The following SLC35F1 variants were observed in gnomAD, a reference collection of about 807,000 sequenced individuals.
The protein encoded by SLC35F1 is chromosome 6 open reading frame 169.
Under a neutral mutation model 48.7 loss-of-function variants are expected in SLC35F1, and 14 were observed. The ratio of observed to expected loss-of-function variants is 0.29; its 90% CI spans 0.19 to 0.45. SLC35F1 has a LOEUF of 0.45. Among genes scored for constraint, SLC35F1 ranks in the 20% least tolerant of loss-of-function variants. The probability of loss-of-function intolerance (pLI) is 1.00; values close to 1 mark genes in which losing one functional copy is unlikely to be tolerated. For missense variants in SLC35F1, 404 were observed against 500.0 expected, an observed-to-expected ratio of 0.81 and a Z score of 1.83; for synonymous variants, 190 against 202.2, an observed-to-expected ratio of 0.94 and a Z score of 0.51.
chr6:118,120,118 G>A (rs148753606), intron 1 of SLC35F1, among the ~76,000 whole-genome samples: 25 of 152,230 alleles, frequency 1.6e-4, no homozygotes, highest in African/African-American at 5.5e-4. Context: ...ACAATTTGGC[G>A]AACTACATGG....
intron 1 of SLC35F1, among the ~76,000 whole-genome samples, chr6:117,930,728 G>A (rs930569981): frequency 1.3e-5 from 2 of 152,108 alleles, no homozygotes; most frequent in Admixed American, 6.6e-5. Context: ...GGCTATTGGC[G>A]GGCAGGCAGG....
intron 1 of SLC35F1, among the ~76,000 whole-genome samples, chr6:117,944,118 A>G (rs1776265521): frequency 6.6e-6 from 1 of 152,224 alleles, no homozygotes; most frequent in Admixed American, 6.5e-5. Flanking sequence ...AATTTTCTGT[A>G]ATTATATTTG....
intron 1 of SLC35F1, among the ~76,000 whole-genome samples, chr6:117,950,633 C>T (rs978848304): frequency 2.0e-5 from 3 of 152,154 alleles, no homozygotes; most frequent in African/African-American, 7.2e-5. Flanking sequence ...TGACTTACTT[C>T]AAACATTCTT....
chr6:118,180,460 G>GT (rs1774558372), intron 2 of SLC35F1, among the ~76,000 whole-genome samples: 1 of 152,006 alleles, frequency 6.6e-6, no homozygotes, highest in Admixed American at 6.6e-5. Context: ...ATATAAGACA[G>GT]TTTTCATTGT....
chr6:118,180,511 G>A (rs1774559207), intron 2 of SLC35F1, among the ~76,000 whole-genome samples: 1 of 151,858 alleles, frequency 6.6e-6, no homozygotes, highest in Non-Finnish European at 1.5e-5. Flanking sequence ...TGATCAGGTA[G>A]ATCTGAAAAA....
intron 1 of SLC35F1, among the ~76,000 whole-genome samples, chr6:118,052,000 T>C (rs1207102078): frequency 6.6e-6 from 1 of 152,136 alleles, no homozygotes; most frequent in Non-Finnish European, 1.5e-5. Context: ...CTACCTTCCA[T>C]GTCTTATCAA....
chr6:117,970,796 C>G (rs1161695530), intron 1 of SLC35F1, among the ~76,000 whole-genome samples: 1 of 152,112 alleles, frequency 6.6e-6, no homozygotes, highest in African/African-American at 2.4e-5. Context: ...ACAAGAACAG[C>G]ATGGGGAAGA....
chr6:118,237,908 G>GA (rs903686312), intron 3 of SLC35F1, among the ~76,000 whole-genome samples: 1 of 152,012 alleles, frequency 6.6e-6, no homozygotes, highest in African/African-American at 2.4e-5. Context: ...CTAATACACT[G>GA]AAAAAAATTA....
At chr6:117,953,589 G>A (rs1776390042) in intron 1 of SLC35F1, among the ~76,000 whole-genome samples, 2 of 152,126 alleles carry the variant, frequency 1.3e-5, no homozygotes, top group South Asian at 4.1e-4. Flanking sequence ...CTGTCCAGAA[G>A]CATGAACAAA....
At chr6:118,293,574 A>C (rs2114651096) in intron 7 of SLC35F1, among the ~76,000 whole-genome samples, 1 of 152,280 alleles carries the variant, frequency 6.6e-6, no homozygotes, top group Admixed American at 6.5e-5. Context: ...TAGGGTGTGA[A>C]TATCTTTGGG....
intron 1 of SLC35F1, among the ~76,000 whole-genome samples, chr6:117,948,025 C>A (rs1776316608): frequency 6.6e-6 from 1 of 152,106 alleles, no homozygotes; most frequent in African/African-American, 2.4e-5. Context: ...GTAGCTAATA[C>A]AAAAACATTT....
intron 1 of SLC35F1, among the ~76,000 whole-genome samples, chr6:117,943,428 C>T (rs1185833085): frequency 6.6e-6 from 1 of 152,122 alleles, no homozygotes; most frequent in African/African-American, 2.4e-5. Flanking sequence ...CTCCAACTTT[C>T]ACTGAATTGA....
chr6:118,017,510 A>G (rs1206638531), intron 1 of SLC35F1, among the ~76,000 whole-genome samples: 2 of 152,132 alleles, frequency 1.3e-5, no homozygotes, highest in Non-Finnish European at 2.9e-5. Flanking sequence ...GCTGACTGTG[A>G]TATTCAGTGG....
At chr6:118,251,842 A>G (rs1775580008) in intron 3 of SLC35F1, among the ~76,000 whole-genome samples, 1 of 152,158 alleles carries the variant, frequency 6.6e-6, no homozygotes. Flanking sequence ...GCAACTAGAC[A>G]TATAGCATGA....
rs574353540 is a variant in SLC35F1, at chr6:117,984,170, T to A, written c.173+76271T>A. 6.6e-5 allele frequency among the ~76,000 whole-genome samples: 10 copies of A among 152,280 alleles called. No individual in the cohort carries two copies. The South Asian group carries it at 2.1e-3, about 32-fold the overall frequency. ...TATTAATGGCAATGCTAATAATATT[T>A]TTCAGAGTTTATTGTGGAGCAGACT... On this transcript the variant is annotated intron_variant, in intron 1 of 7. Coordinates refer to ENST00000360388, the MANE Select transcript of SLC35F1 (RefSeq NM_001029858.4).
At chr6:118,015,279 T>C (rs1777305247) in intron 1 of SLC35F1, among the ~76,000 whole-genome samples, 1 of 152,136 alleles carries the variant, frequency 6.6e-6, no homozygotes, top group African/African-American at 2.4e-5. Context: ...TGGTTGATCC[T>C]CCGGAGAGAT....
At chr6:118,312,942 G>A (rs1210993337) in intron 7 of SLC35F1, among the ~76,000 whole-genome samples, 1 of 152,000 alleles carries the variant, frequency 6.6e-6, no homozygotes, top group Non-Finnish European at 1.5e-5. Flanking sequence ...CCCCATGGAC[G>A]CAGGATGTGG....
chr6:118,290,514 C>G (rs1214498096), intron 7 of SLC35F1, among the ~76,000 whole-genome samples: 1 of 120,952 alleles, frequency 8.3e-6, no homozygotes, highest in African/African-American at 3.1e-5. Flanking sequence ...TTAGTATCTG[C>G]AAAAAAAAAA....
chr6:118,002,366 C>G (rs922745015), intron 1 of SLC35F1, among the ~76,000 whole-genome samples: 101 of 152,068 alleles, frequency 6.6e-4, no homozygotes, highest in Non-Finnish European at 1.1e-3. Context: ...AAACCAAACA[C>G]CGCATGTTCT....
Sources: gnomAD v4.1 joint callset for allele counts (sites outside exome capture counted in the v4.1 genomes callset) on GRCh38, gnomAD v4.1.1 for gene constraint, MANE v1.5 for transcripts, NCBI Gene and HGNC (gene_info 2026-07-23, HGNC 2026-07-21) for gene names.